VNN1: variants seen among roughly 807,000 people sequenced by gnomAD.
VNN1 encodes the protein vanin 1, also known as pantetheinase.
A neutral mutation model predicts 41.9 loss-of-function variants in VNN1; 29 were observed. The observed-to-expected ratio is 0.69, with a 90% CI of 0.52 to 0.94. The LOEUF is 0.94. VNN1 is among the 40% of genes least tolerant of loss of function. VNN1 has a pLI of 0.00. For missense variants in VNN1, 637 were observed against 621.1 expected (o/e 1.03, Z -0.27); for synonymous variants, 233 against 224.4 (o/e 1.04, Z -0.34).
At chr6:132,698,343 A>G (rs772003109) in intron 2 of VNN1, among the ~76,000 whole-genome samples, 8 of 152,266 alleles carry the variant, frequency 5.3e-5, no homozygotes, top group Middle Eastern at 3.2e-3. Context: ...CATGTTAAAT[A>G]TTCAACAAAT....
intron 5 of VNN1, among the ~76,000 whole-genome samples, chr6:132,687,021 A>C (rs1778218341): frequency 6.6e-6 from 1 of 152,192 alleles, no homozygotes; most frequent in South Asian, 2.1e-4. Flanking sequence ...AAAAAATAGC[A>C]GAGAAAATGT....
chr6:132,691,943 C>T (rs1582769758), intron 5 of VNN1, among the ~76,000 whole-genome samples: 2 of 151,104 alleles, frequency 1.3e-5, no homozygotes, highest in East Asian at 3.9e-4. Flanking sequence ...GGAGGCAGAG[C>T]TTGCAGTGAG....
intron 5 of VNN1, among the ~76,000 whole-genome samples, chr6:132,688,662 A>T (rs1778237990): frequency 6.6e-6 from 1 of 152,202 alleles, no homozygotes; most frequent in African/African-American, 2.4e-5. Context: ...TTTTAATTTT[A>T]AAAATTTATA....
intron 1 of VNN1, among the ~76,000 whole-genome samples, chr6:132,712,283 A>G: frequency 6.6e-6 from 1 of 151,694 alleles, no homozygotes; most frequent in Non-Finnish European, 1.5e-5. Flanking sequence ...ATAAGTAGCT[A>G]GGATCACAGG....
At position 132,712,069 on chromosome 6, in the gene VNN1, A is replaced by C. The variant is rs187939318; in HGVS notation, c.211-230T>G. ...TTTCTTTATTTCTAATTTTAGATTC[A>C]AAGGGTACAAATGCAGGTTTGTTGC... On this transcript the variant is annotated intron_variant, in intron 1 of 6. Transcript: ENST00000367928. Among the ~76,000 whole-genome samples, 411 of 151,108 alleles carry C rather than the reference A, an allele frequency of 2.7e-3. 2 individuals are homozygous for C. Among genetic ancestry groups the C allele is most frequent in the African/African-American group, 9.4e-3 (387 of 41,118 alleles).
At chr6:132,692,968 T>TTTTTC (rs1778313946) in intron 4 of VNN1, 56 bp downstream of exon 4, 1 of 1,504,918 alleles carries the variant, frequency 6.6e-7, no homozygotes, top group Non-Finnish European at 8.9e-7. Context: ...ACATGTTTTT[T>TTTTTC]TTTTCTTTTC....
intron 3 of VNN1, 75 bp downstream of exon 3, chr6:132,693,909 TTATCAA>T (rs1320246645): frequency 6.7e-7 from 1 of 1,490,762 alleles, no homozygotes; most frequent in Non-Finnish European, 9.3e-7. Context: ...GTGCTTATCA[TTATCAA>T]TAACATATTT....
chr6:132,710,201 C>G (rs544567937), intron 2 of VNN1, among the ~76,000 whole-genome samples: 4 of 152,056 alleles, frequency 2.6e-5, no homozygotes, highest in Admixed American at 6.6e-5. Flanking sequence ...AGGTGCCCAC[C>G]ACCACGCCCC....
intron 2 of VNN1, among the ~76,000 whole-genome samples, chr6:132,694,892 C>T (rs1335897970): frequency 1.3e-5 from 2 of 152,082 alleles, no homozygotes; most frequent in Admixed American, 6.6e-5. Flanking sequence ...GTAGCTCATG[C>T]CTGTAATCCC....
intron 5 of VNN1, among the ~76,000 whole-genome samples, chr6:132,690,483 T>C (rs928726546): frequency 6.6e-6 from 1 of 152,182 alleles, no homozygotes; most frequent in African/African-American, 2.4e-5. Flanking sequence ...TAGCATCAGC[T>C]CCAGAAACTT....
chr6:132,710,496 AT>A (rs893444698), intron 2 of VNN1, among the ~76,000 whole-genome samples: 2 of 151,936 alleles, frequency 1.3e-5, no homozygotes, highest in Admixed American at 1.3e-4. Flanking sequence ...TACATTAGGT[AT>A]TTCTCCTAAT....
intron 2 of VNN1, among the ~76,000 whole-genome samples, chr6:132,700,355 C>A (rs966361836): frequency 6.6e-6 from 1 of 152,138 alleles, no homozygotes; most frequent in African/African-American, 2.4e-5. Flanking sequence ...CCCTCTAGAG[C>A]TCTGCCCCTC....
intron 2 of VNN1, among the ~76,000 whole-genome samples, chr6:132,697,070 A>G (rs1220575176): frequency 6.6e-6 from 1 of 151,946 alleles, no homozygotes. Context: ...GCGCCCCTGC[A>G]CTCCAGCCTG....
intron 2 of VNN1, among the ~76,000 whole-genome samples, chr6:132,709,438 G>A (rs560030326): frequency 7.9e-5 from 12 of 152,176 alleles, no homozygotes; most frequent in South Asian, 2.1e-4. Context: ...TTGGGAGGCC[G>A]AGCAGGTGGA....
intron 2 of VNN1, among the ~76,000 whole-genome samples, chr6:132,696,474 G>C (rs964809509): frequency 6.6e-6 from 1 of 152,080 alleles, no homozygotes; most frequent in East Asian, 1.9e-4. Flanking sequence ...CAAACTCCAA[G>C]AGAATGAATT....
At chr6:132,688,289 A>G (rs1778233922) in intron 5 of VNN1, among the ~76,000 whole-genome samples, 1 of 152,174 alleles carries the variant, frequency 6.6e-6, no homozygotes, top group African/African-American at 2.4e-5. Flanking sequence ...CAATAGATAT[A>G]TTAATATGTT....
chr6:132,699,519 C>A, intron 2 of VNN1: 1 of 163,448 alleles, frequency 6.1e-6, no homozygotes, highest in Non-Finnish European at 1.4e-5. Context: ...AGTTTGTATC[C>A]AAGTGTTTAA....
intron 2 of VNN1, among the ~76,000 whole-genome samples, chr6:132,703,365 C>CATAGACATAGACAT (rs79307587): frequency 6.6e-6 from 1 of 151,746 alleles, no homozygotes; most frequent in Non-Finnish European, 1.5e-5. Flanking sequence ...AAGACATAGA[C>CATAGACATAGACAT]AGTATAAGAT....
chr6:132,703,016 T>C (rs761906608), intron 2 of VNN1, among the ~76,000 whole-genome samples: 1 of 152,094 alleles, frequency 6.6e-6, no homozygotes, highest in Non-Finnish European at 1.5e-5. Flanking sequence ...GTCTTACAAA[T>C]TGGGTACCAA....
Sources: gnomAD v4.1 joint callset for allele counts (sites outside exome capture counted in the v4.1 genomes callset) on GRCh38, gnomAD v4.1.1 for gene constraint, MANE v1.5 for transcripts, NCBI Gene and HGNC (gene_info 2026-07-23, HGNC 2026-07-21) for gene names.